ZNF182: variants seen among roughly 807,000 people sequenced by gnomAD.
The protein encoded by ZNF182 is zinc finger protein 182.
A neutral mutation model predicts 28.1 loss-of-function variants in ZNF182; 10 were observed. The ratio of observed to expected loss-of-function variants is 0.36; its 90% CI spans 0.22 to 0.60. ZNF182 has a LOEUF of 0.60. Among genes scored for constraint, ZNF182 ranks in the 20% least tolerant of loss-of-function variants. ZNF182 has a pLI of 0.75. For missense variants in ZNF182, 352 were observed against 453.2 expected (o/e 0.78, Z 2.03); for synonymous variants, 156 against 158.7 (o/e 0.98, Z 0.13).
Position 47,983,384 on chromosome X carries a change from C to T in ZNF182, c.43G>A (p.Val15Met), listed in dbSNP as rs782536079. 4 of 1,210,109 alleles carry T rather than the reference C, an allele frequency of 3.3e-6. No homozygotes were observed. The highest frequency in any genetic ancestry group is 4.5e-6 in the Non-Finnish European group (4 of 894,852). The change falls in exon 4 of 6, where the codon GTG (valine) becomes ATG (methionine). Residue 15 changes from valine to methionine, a missense_variant. Val to Met is a conservative substitution (Grantham distance 21). Transcript: ENST00000376943. Reference protein sequence around the residue: ...QGLVTFEDVAVDFTQEEWQYL... With the variant: ...QGLVTFEDVAMDFTQEEWQYL... ...TGCCACTCCTCCTGGGTGAAATCCA[C>T]AGCTACATCTTCAAATGTCACTAGC...
At chrX:47,987,348 G>C (rs782552195) in intron 3 of ZNF182, among the ~76,000 whole-genome samples, 1 of 112,113 alleles carries the variant, frequency 8.9e-6, no homozygotes, top group South Asian at 3.8e-4. Context: ...AAAGTAAAGG[G>C]ATAGGCAATG....
Position 47,977,783 on chromosome X carries a change from C to A in ZNF182, c.247G>T (p.Asp83Tyr). 8.5e-7 allele frequency: 1 copy of A among 1,175,661 alleles called. No individual in the cohort carries two copies. Among genetic ancestry groups the A allele is most frequent in the Non-Finnish European group, 1.1e-6 (1 of 877,013 alleles). Residue 83 changes from aspartate to tyrosine, a missense_variant, in exon 6 of 6, where the codon GAT becomes TAT. Physicochemically the swap from Asp to Tyr is radical, Grantham distance 160. Transcript: ENST00000376943. ...TGATGTTGCCTCTCAATCTGTTCAT[C>A]AACTTGACAGACTTCTAGAAAGAAG... ...FWNFPEVCQV[D>Y]EQIERQHQDD...
At chrX:47,991,984 G>A (rs1433441685) in intron 3 of ZNF182, among the ~76,000 whole-genome samples, 4 of 111,690 alleles carry the variant, frequency 3.6e-5, no homozygotes, top group Non-Finnish European at 7.5e-5. Flanking sequence ...CTTCTCCACT[G>A]AGCCTGAGAC....
At chrX:47,983,608 G>A (rs974078112) in intron 3 of ZNF182, among the ~76,000 whole-genome samples, 197 bp from the exon 4 acceptor site, 1 of 111,525 alleles carries the variant, frequency 9.0e-6, no homozygotes, top group Non-Finnish European at 1.9e-5. Context: ...GAGAATACTT[G>A]AGACAATGTC....
chrX:47,996,100 A>G lies in ZNF182; in HGVS notation c.15+6495T>C, dbSNP rs189523781. 1.9e-3 allele frequency among the ~76,000 whole-genome samples: 213 copies of G among 112,739 alleles called. 3 individuals are homozygous for G. The highest frequency in any genetic ancestry group is 6.5e-3 in the African/African-American group (203 of 31,111). On this transcript the variant is annotated intron_variant, in intron 3 of 5. Transcript: ENST00000376943. ...CAAAGTGGTAAAAATCTGGGTAAAT[A>G]GAATAGATTATCCTTGAGTTCTTTA...
At chrX:48,002,468 T>C (rs1556902007) in intron 3 of ZNF182, 127 bp downstream of exon 3, 10 of 987,140 alleles carry the variant, frequency 1.0e-5, no homozygotes. Context: ...CCTTGATCTG[T>C]TGTCTCTTAT....
chrX:47,979,427 G>A lies in ZNF182; in HGVS notation c.233-1630C>T, dbSNP rs953550424. On this transcript the variant is annotated intron_variant, in intron 5 of 5. Coordinates refer to ENST00000376943, the MANE Select transcript of ZNF182 (RefSeq NM_001007088.2). The stretch of plus-strand genomic sequence containing the variant: ...GTTTGGCCCATGTGGTTAGGGTCCT[G>A]GGCTCTCTAGCCCAGGAGAAAATCC... Among the ~76,000 whole-genome samples, 4 of 111,124 alleles carry A rather than the reference G, an allele frequency of 3.6e-5. No homozygotes were observed. The Admixed American group carries it at 3.8e-4, about 11-fold the overall frequency.
chrX:47,987,795 C>G (rs961029025), intron 3 of ZNF182, among the ~76,000 whole-genome samples: 1 of 111,951 alleles, frequency 8.9e-6, no homozygotes, highest in Non-Finnish European at 1.9e-5. Context: ...ACAGCTAGCA[C>G]CCAGATTTTG....
intron 2 of ZNF182, 72 bp from the exon 3 acceptor site, chrX:48,002,725 C>T: frequency 3.3e-6 from 3 of 907,694 alleles, no homozygotes; most frequent in Non-Finnish European, 4.7e-6. Context: ...AATTAGCTGC[C>T]TAGCAATCCC....
chrX:47,981,619 G>T (rs1556899110), intron 5 of ZNF182, among the ~76,000 whole-genome samples: 1 of 112,096 alleles, frequency 8.9e-6, no homozygotes, highest in Non-Finnish European at 1.9e-5. Flanking sequence ...ATTCCAGTGG[G>T]GCCGGGCACG....
intron 2 of ZNF182, among the ~76,000 whole-genome samples, 187 bp downstream of exon 2, chrX:48,003,321 T>C (rs1039148073): frequency 8.9e-6 from 1 of 112,427 alleles, no homozygotes; most frequent in Non-Finnish European, 1.9e-5. Context: ...ATTTCAGAAT[T>C]AATCTATATA....
In ZNF182 at chrX:47,976,751, C is replaced by T. The variant is rs2058885731; in HGVS notation, c.1279G>A (p.Gly427Ser). ...GKTFTQKSNL[G>S]VHQRTHSGEK... ...CCTGAATGAGTTCTCTGATGTACAC[C>T]AAGGTTTGACTTTTGCGTGAAGGTT... The change falls in exon 6 of 6, where the codon GGT becomes AGT. Residue 427 changes from glycine (G) to serine (S), a missense_variant. By Grantham distance (56) the Gly-to-Ser change is moderately conservative. Coordinates refer to ENST00000376943, the MANE Select transcript of ZNF182 (RefSeq NM_001007088.2). 8.3e-7 allele frequency: 1 copy of T among 1,207,384 alleles called. No individual in the cohort carries two copies. The highest frequency in any genetic ancestry group is 1.1e-6 in the Non-Finnish European group (1 of 894,265).
intron 3 of ZNF182, among the ~76,000 whole-genome samples, chrX:47,984,340 T>C (rs2058916774): frequency 8.9e-6 from 1 of 111,785 alleles, no homozygotes; most frequent in Admixed American, 9.5e-5. Context: ...GTATAATCGC[T>C]TTGGTAACAG....
intron 3 of ZNF182, among the ~76,000 whole-genome samples, chrX:47,990,500 CACAT>C (rs1233603351): frequency 1.8e-5 from 2 of 111,848 alleles, no homozygotes; most frequent in African/African-American, 6.5e-5. Context: ...TGCAGACACA[CACAT>C]ACACATATAC....
intron 5 of ZNF182, 151 bp from the exon 6 acceptor site, chrX:47,977,948 G>T: frequency 4.0e-6 from 2 of 493,837 alleles, no homozygotes; most frequent in Non-Finnish European, 3.1e-6. Context: ...TCACCTGCTG[G>T]TCTTTTTGTT....
chrX:47,988,682 T>C, intron 3 of ZNF182: 1 of 322,760 alleles, frequency 3.1e-6, no homozygotes, highest in East Asian at 4.5e-5. Context: ...TTCAGAAAAT[T>C]ATAGGGATGT....
At chrX:47,989,554 C>T (rs1220464267) in intron 3 of ZNF182, among the ~76,000 whole-genome samples, 1 of 110,441 alleles carries the variant, frequency 9.1e-6, no homozygotes, top group Non-Finnish European at 1.9e-5. Context: ...AAGTGAGGGA[C>T]GTTCTACAAT....
intron 3 of ZNF182, among the ~76,000 whole-genome samples, chrX:47,996,129 T>C (rs782376506): frequency 3.6e-5 from 4 of 112,302 alleles, no homozygotes; most frequent in Non-Finnish European, 7.5e-5. Context: ...TTCTTTAAAA[T>C]ACATTTGACA....
At chrX:47,980,890 T>C (rs1268967340) in intron 5 of ZNF182, among the ~76,000 whole-genome samples, 1 of 111,817 alleles carries the variant, frequency 8.9e-6, no homozygotes, top group African/African-American at 3.2e-5. Flanking sequence ...AAATATTCTT[T>C]CTGCTGCGTT....
Sources: allele counts gnomAD v4.1 joint callset (sites outside exome capture counted in the v4.1 genomes callset), GRCh38; gene constraint gnomAD v4.1.1; transcripts MANE v1.5; gene names NCBI Gene and HGNC (gene_info 2026-07-23, HGNC 2026-07-21).